Variants in CFAP74 observed in about 807,000 individuals in gnomAD.
CFAP74 encodes the protein cilia- and flagella-associated protein 74.
CFAP74 carries 124 observed loss-of-function variants against 188.9 expected under a neutral mutation model. That is an observed-to-expected ratio of 0.66 (90% CI 0.57 to 0.76). The LOEUF (loss-of-function observed/expected upper bound fraction) is 0.76, where lower values mean the gene tolerates loss of function less well. Among genes scored for constraint, CFAP74 ranks in the 30% least tolerant of loss-of-function variants. CFAP74 has a pLI of 0.00. For missense variants in CFAP74, 2,198 were observed against 2,165.2 expected (o/e 1.02, Z -0.30); for synonymous variants, 956 against 916.7 (o/e 1.04, Z -0.77).
chr1:1,960,517 AG>A (rs1471062749), intron 14 of CFAP74, among the ~76,000 whole-genome samples: 2 of 152,230 alleles, frequency 1.3e-5, no homozygotes, highest in Non-Finnish European at 2.9e-5. Context: ...CCACAAAAAT[AG>A]CCCCTACTGC....
chr1:1,955,273 G>A (rs1226625260), intron 18 of CFAP74: 5 of 1,294,136 alleles, frequency 3.9e-6, no homozygotes, highest in Middle Eastern at 2.6e-4. Flanking sequence ...AGGGCAGGAG[G>A]CATGGGGAGG....
chr1:1,967,706 AC>A (rs1222279197), intron 11 of CFAP74, among the ~76,000 whole-genome samples: 1 of 152,126 alleles, frequency 6.6e-6, no homozygotes, highest in African/African-American at 2.4e-5. Context: ...TGCAGCAGTG[AC>A]CTTGACCTTC....
In CFAP74 at chr1:1,938,549, C is replaced by T. The variant is rs1490250402; in HGVS notation, c.3011+306G>A. 2.6e-5 allele frequency among the ~76,000 whole-genome samples: 4 copies of T among 151,846 alleles called. No individual in the cohort carries two copies. In the East Asian group the frequency reaches 7.7e-4, roughly 29 times the overall value. On this transcript the variant is annotated intron_variant, in intron 25 of 38. Coordinates refer to ENST00000682832, the MANE Select transcript of CFAP74 (RefSeq NM_001304360.2). The stretch of plus-strand genomic sequence containing the variant: ...CTGCTCCTACAGTGATACGTCTGCG[C>T]ACACACGTTCACACACACACACAGG...
At chr1:1,946,218 G>C (rs1052927918) in intron 20 of CFAP74, 99 bp downstream of exon 20, 7 of 1,409,610 alleles carry the variant, frequency 5.0e-6, no homozygotes, top group African/African-American at 1.4e-5. Flanking sequence ...CCATCCCTGC[G>C]TGGGCAAATG....
rs1553223672 is a variant in CFAP74, at chr1:1,948,412, A to AATGT, written c.2177-1359_2177-1358insACAT. ...CATGCAGCCATGCTTGGCATATATAAATATATATATATATATTTATGTGTA... is the reference window on the plus strand; with the variant it reads ...CATGCAGCCATGCTTGGCATATATAAATGTATATATATATATATATTTATGTGTA... On this transcript the variant is annotated intron_variant, in intron 18 of 38. Coordinates refer to ENST00000682832, the MANE Select transcript of CFAP74 (RefSeq NM_001304360.2). Among the ~76,000 whole-genome samples, 33 of 144,408 alleles carry AATGT rather than the reference A, an allele frequency of 2.3e-4. 1 individual carries two copies. The highest frequency in any genetic ancestry group is 8.5e-4 in the African/African-American group (33 of 38,952). The allele number at this position is 144,408 out of a possible 152,430, so 94.7% of individuals were successfully genotyped here. A position where few individuals can be genotyped will look rare whatever the true frequency, so the allele number is the denominator to read the frequency against.
chr1:1,935,360 A>G lies in CFAP74; in HGVS notation c.3011+3495T>C, dbSNP rs1468921763. 4.3e-5 allele frequency among the ~76,000 whole-genome samples: 4 copies of G among 93,050 alleles called. 1 individual carries two copies. The highest frequency in any genetic ancestry group is 1.6e-4 in the African/African-American group (4 of 25,644). The allele number at this position is 93,050 out of a possible 152,430, so 61.0% of individuals were successfully genotyped here. Reference sequence around the variant, plus strand: ...TACGTGGGTGTTAGGTTGTAGGTACACACGTGTGTATGTGGGTGTTAGGTT... The same window carrying G: ...TACGTGGGTGTTAGGTTGTAGGTACGCACGTGTGTATGTGGGTGTTAGGTT... On this transcript the variant is annotated intron_variant, in intron 25 of 38. Transcript: ENST00000682832.
intron 15 of CFAP74, 74 bp from the exon 16 acceptor site, chr1:1,959,283 G>T (rs1219875367): frequency 1.9e-6 from 2 of 1,052,806 alleles, no homozygotes; most frequent in Non-Finnish European, 2.9e-6. Context: ...TTTGGACAGG[G>T]TCTGGCTCTG....
intron 4 of CFAP74, chr1:1,988,144 T>C: frequency 2.1e-6 from 1 of 484,694 alleles, no homozygotes; most frequent in South Asian, 1.5e-5. Context: ...CTGAAATATT[T>C]AGGAGTGACG....
At chr1:1,961,651 C>A (rs1302022035) in intron 14 of CFAP74, among the ~76,000 whole-genome samples, 2 of 152,136 alleles carry the variant, frequency 1.3e-5, no homozygotes. Flanking sequence ...AAATCCCATG[C>A]CTTCAGCATG....
At chr1:1,939,076 ATGAG>A (rs1653164692) in intron 24 of CFAP74, 88 bp from the exon 25 acceptor site, 1 of 1,352,760 alleles carries the variant, frequency 7.4e-7, no homozygotes, top group South Asian at 1.3e-5. Context: ...AGAGTAAGAG[ATGAG>A]TGTGATCGTG....
In CFAP74 at chr1:1,988,987, C is replaced by G; in HGVS notation, c.68-14G>C. 7.8e-7 allele frequency: 1 copy of G among 1,283,404 alleles called. No individual in the cohort carries two copies. The highest frequency in any genetic ancestry group is 1.1e-6 in the Non-Finnish European group (1 of 913,880). The allele number at this position is 1,283,404 out of a possible 1,614,324, so 79.5% of individuals were successfully genotyped here. A position where few individuals can be genotyped will look rare whatever the true frequency, so the allele number is the denominator to read the frequency against. On this transcript the variant is annotated splice_polypyrimidine_tract_variant and intron_variant, in intron 2 of 38. Coordinates refer to ENST00000682832, the MANE Select transcript of CFAP74 (RefSeq NM_001304360.2). ...ATTCATCTCTTTCTAGAAATCAAGG[C>G]AAGAGTTTAAAAAAAAAAAAAAGCA...
chr1:1,955,669 T>C, intron 18 of CFAP74, 22 bp downstream of exon 18: 1 of 1,604,692 alleles, frequency 6.2e-7, no homozygotes, highest in Non-Finnish European at 8.5e-7. Context: ...CCACCCTGGC[T>C]TGGCCTGGCA....
chr1:1,993,866 C>A (rs1657755797), intron 1 of CFAP74, among the ~76,000 whole-genome samples: 1 of 150,970 alleles, frequency 6.6e-6, no homozygotes, highest in South Asian at 2.1e-4. Flanking sequence ...CCTATAGTCC[C>A]AGCTACTCGG....
intron 2 of CFAP74, among the ~76,000 whole-genome samples, 193 bp from the exon 3 acceptor site, chr1:1,989,166 G>C (rs1657429229): frequency 6.6e-6 from 1 of 152,216 alleles, no homozygotes; most frequent in African/African-American, 2.4e-5. Context: ...CCTTGAGAGA[G>C]AGAGAGAGAG....
intron 18 of CFAP74, chr1:1,954,765 A>AGAGT (rs74473635): frequency 0.34 from 361,382 of 1,077,422 alleles, 62,738 homozygotes; most frequent in African/African-American, 0.51. Flanking sequence ...CCTAGGCGAC[A>AGAGT]GAGACCCTGT....
At chr1:1,993,861 A>G (rs936627108) in intron 1 of CFAP74, among the ~76,000 whole-genome samples, 6 of 151,370 alleles carry the variant, frequency 4.0e-5, no homozygotes, top group African/African-American at 9.7e-5. Context: ...GGGCGCCTAT[A>G]GTCCCAGCTA....
chr1:1,970,687 G>C lies in CFAP74; in HGVS notation c.1018C>G (p.Arg340Gly), dbSNP rs541722655. 1.9e-6 allele frequency: 3 copies of C among 1,612,516 alleles called. No homozygotes were observed. The highest frequency in any genetic ancestry group is 2.5e-6 in the Non-Finnish European group (3 of 1,179,368). ...TTCTGGGCCTCCAGCTCCTGGCGCC[G>C]GCGCTGGTGGACAAGGTGCCTGAAT... ...DAFRHLVHQR[R>G]RQELEAQKRA... Residue 340 changes from arginine (R) to glycine (G), a missense_variant, in exon 10 of 39, where the codon CGG becomes GGG. Coordinates refer to ENST00000682832, the MANE Select transcript of CFAP74 (RefSeq NM_001304360.2).
chr1:1,930,432 G>T (rs1166299131), intron 25 of CFAP74, 96 bp from the exon 26 acceptor site: 28 of 1,273,460 alleles, frequency 2.2e-5, no homozygotes, highest in Middle Eastern at 2.3e-4. Context: ...CAAGCCCCGG[G>T]GGGGGCTCAC....
In CFAP74 at chr1:1,940,545, G is replaced by A. The variant is rs1051519279; in HGVS notation, c.2616-142C>T. ...TCAGCGCTGGGAGACGCATCGCGCCGCCCTCCTGCTCTCGCACAGAACCCA... is the reference window on the plus strand; with the variant it reads ...TCAGCGCTGGGAGACGCATCGCGCCACCCTCCTGCTCTCGCACAGAACCCA... On this transcript the variant is annotated intron_variant, in intron 22 of 38. Coordinates refer to ENST00000682832, the MANE Select transcript of CFAP74 (RefSeq NM_001304360.2). The A allele has an allele frequency of 8.2e-6, 5 of 609,286 alleles. No homozygotes were observed. The Admixed American group carries it at 1.0e-4, about 12-fold the overall frequency. 37.7% of individuals were successfully genotyped at this position (609,286 alleles called of 1,614,324 possible). A position where few individuals can be genotyped will look rare whatever the true frequency, so the allele number is the denominator to read the frequency against.
Sources: gnomAD v4.1 joint callset for allele counts (sites outside exome capture counted in the v4.1 genomes callset) on GRCh38, gnomAD v4.1.1 for gene constraint, MANE v1.5 for transcripts, NCBI Gene and HGNC (gene_info 2026-07-23, HGNC 2026-07-21) for gene names.